Variants in KCNIP4 observed in about 807,000 individuals in gnomAD.
KCNIP4 encodes Kv channel-interacting protein 4.
A neutral mutation model predicts 34.0 loss-of-function variants in KCNIP4; 12 were observed. The observed-to-expected ratio is 0.35, with a 90% CI of 0.23 to 0.57. The LOEUF (loss-of-function observed/expected upper bound fraction) is 0.57, where lower values mean the gene tolerates loss of function less well. Ranked by LOEUF, KCNIP4 falls within the 20% of genes least tolerant of loss-of-function variation. KCNIP4 has a pLI of 0.83. For synonymous variants in KCNIP4, 124 were observed against 102.2 expected (o/e 1.21, Z -1.29); for missense variants, 238 against 311.7 (o/e 0.76, Z 1.78).
chr4:20,852,602 C>T (rs1272821432), intron 2 of KCNIP4, among the ~76,000 whole-genome samples: 2 of 152,130 alleles, frequency 1.3e-5, no homozygotes, highest in Non-Finnish European at 2.9e-5. Context: ...TCCTCTTCAA[C>T]ATAGTATTAG....
At chr4:21,840,023 A>G (rs922669935) in intron 1 of KCNIP4, among the ~76,000 whole-genome samples, 1 of 151,668 alleles carries the variant, frequency 6.6e-6, no homozygotes, top group African/African-American at 2.4e-5. Flanking sequence ...TATCGAAAAT[A>G]CTCCATGGCT....
intron 1 of KCNIP4, among the ~76,000 whole-genome samples, chr4:21,683,414 G>A (rs897003496): frequency 7.2e-6 from 1 of 138,088 alleles, no homozygotes; most frequent in African/African-American, 2.6e-5. Flanking sequence ...TAACTTGCCC[G>A]AGATCATACG....
chr4:21,358,311 A>C (rs1429450205), intron 1 of KCNIP4, among the ~76,000 whole-genome samples: 2 of 152,102 alleles, frequency 1.3e-5, no homozygotes, highest in African/African-American at 4.8e-5. Flanking sequence ...TAGAACTTAA[A>C]GTATAATAAT....
At chr4:21,225,688 C>T (rs1758327152) in intron 1 of KCNIP4, among the ~76,000 whole-genome samples, 1 of 152,130 alleles carries the variant, frequency 6.6e-6, no homozygotes, top group Admixed American at 6.6e-5. Flanking sequence ...ATAGCAGATG[C>T]TCAATCTAGG....
At chr4:21,666,343 TG>T (rs1398190370) in intron 1 of KCNIP4, among the ~76,000 whole-genome samples, 3 of 152,246 alleles carry the variant, frequency 2.0e-5, no homozygotes, top group Non-Finnish European at 4.4e-5. Context: ...CCTATCCAAA[TG>T]CATCATTGCA....
intron 3 of KCNIP4, among the ~76,000 whole-genome samples, chr4:20,775,087 G>A (rs942253607): frequency 1.3e-5 from 2 of 152,070 alleles, no homozygotes; most frequent in African/African-American, 4.8e-5. Context: ...CGTCTACTGT[G>A]TATCAGGCTC....
intron 1 of KCNIP4, among the ~76,000 whole-genome samples, chr4:21,559,317 ACT>A (rs1429565213): frequency 6.6e-6 from 1 of 152,192 alleles, no homozygotes; most frequent in Admixed American, 6.5e-5. Flanking sequence ...GAATGAGGAC[ACT>A]GAGTCACAAA....
chr4:21,190,353 AGTATTGGTTCGTTG>A (rs1198657762), intron 1 of KCNIP4, among the ~76,000 whole-genome samples: 14 of 152,160 alleles, frequency 9.2e-5, no homozygotes, highest in African/African-American at 1.2e-4. Context: ...AGTATTCATT[AGTATTGGTTCGTTG>A]GTATTTGGTT....
chr4:21,511,301 T>C (rs1349315525), intron 1 of KCNIP4, among the ~76,000 whole-genome samples: 1 of 151,900 alleles, frequency 6.6e-6, no homozygotes, highest in Non-Finnish European at 1.5e-5. Flanking sequence ...CCTAAATAAA[T>C]AGTATAGGCT....
intron 1 of KCNIP4, among the ~76,000 whole-genome samples, chr4:20,974,310 G>A (rs1371847718): frequency 6.6e-6 from 1 of 152,178 alleles, no homozygotes; most frequent in Non-Finnish European, 1.5e-5. Context: ...TAAGTAATTT[G>A]AGGGACAGTG....
chr4:21,177,577 C>T (rs771614140), intron 1 of KCNIP4, among the ~76,000 whole-genome samples: 3 of 151,914 alleles, frequency 2.0e-5, no homozygotes, highest in East Asian at 1.9e-4. Context: ...CTGTAGGGGT[C>T]GCAGCATTCT....
chr4:20,826,658 T>C (rs920296544), intron 3 of KCNIP4, among the ~76,000 whole-genome samples: 1 of 152,056 alleles, frequency 6.6e-6, no homozygotes, highest in Non-Finnish European at 1.5e-5. Context: ...GGAAAATGTA[T>C]GGGAATGAAG....
intron 1 of KCNIP4, among the ~76,000 whole-genome samples, chr4:21,358,877 G>T (rs1718932272): frequency 6.6e-6 from 1 of 152,188 alleles, no homozygotes; most frequent in African/African-American, 2.4e-5. Flanking sequence ...TCCCCTTCAA[G>T]TTGTCCTACC....
At chr4:20,934,774 G>A (rs1260095105) in intron 1 of KCNIP4, among the ~76,000 whole-genome samples, 1 of 152,120 alleles carries the variant, frequency 6.6e-6, no homozygotes, top group East Asian at 1.9e-4. Context: ...AAGGAAGGAG[G>A]CTGTATTATA....
At chr4:21,235,636 T>C (rs1396967708) in intron 1 of KCNIP4, among the ~76,000 whole-genome samples, 1 of 152,212 alleles carries the variant, frequency 6.6e-6, no homozygotes, top group Non-Finnish European at 1.5e-5. Context: ...ACAACACTCA[T>C]TTACCTAACA....
chr4:21,265,356 C>T (rs920654780), intron 1 of KCNIP4, among the ~76,000 whole-genome samples: 1 of 151,866 alleles, frequency 6.6e-6, no homozygotes, highest in Non-Finnish European at 1.5e-5. Flanking sequence ...CCTTGGGAAG[C>T]AATAAAGAAG....
intron 1 of KCNIP4, among the ~76,000 whole-genome samples, chr4:21,008,067 G>T (rs1388800750): frequency 6.6e-6 from 1 of 152,200 alleles, no homozygotes; most frequent in Admixed American, 6.5e-5. Context: ...TACAGTAGCT[G>T]CCAAAATGTT....
intron 3 of KCNIP4, among the ~76,000 whole-genome samples, chr4:20,766,174 C>G (rs1755393092): frequency 6.6e-6 from 1 of 152,038 alleles, no homozygotes; most frequent in Admixed American, 6.6e-5. Context: ...CTCCATTTTA[C>G]AAATGAATGA....
intron 1 of KCNIP4, among the ~76,000 whole-genome samples, chr4:21,060,142 A>G (rs1460434158): frequency 6.6e-6 from 1 of 152,132 alleles, no homozygotes; most frequent in Non-Finnish European, 1.5e-5. Context: ...CTGGTATTAG[A>G]GGTACCTGCT....
Sources: gnomAD v4.1 joint callset for allele counts (sites outside exome capture counted in the v4.1 genomes callset) on GRCh38, gnomAD v4.1.1 for gene constraint, MANE v1.5 for transcripts, NCBI Gene and HGNC (gene_info 2026-07-23, HGNC 2026-07-21) for gene names.